The following SLC24A3 variants were observed in gnomAD, a reference collection of about 807,000 sequenced individuals.
SLC24A3 encodes the protein sodium/potassium/calcium exchanger 3.
In SLC24A3, 28 loss-of-function variants were observed where a neutral mutation model predicts 75.8. That is an observed-to-expected ratio of 0.37 (90% CI 0.27 to 0.51). The LOEUF is 0.51. SLC24A3 is among the 20% of genes least tolerant of loss of function. The pLI is 0.94. For synonymous variants in SLC24A3, 372 were observed against 334.1 expected (o/e 1.11, Z -1.24); for missense variants, 663 against 847.8 (o/e 0.78, Z 2.71).
intron 6 of SLC24A3, among the ~76,000 whole-genome samples, chr20:19,621,280 C>CA (rs769410034): frequency 1.3e-5 from 2 of 152,158 alleles, no homozygotes; most frequent in Non-Finnish European, 2.9e-5. Flanking sequence ...ACCAATGACT[C>CA]AAAGCAGGCT....
chr20:19,619,556 G>A (rs1399044185), intron 6 of SLC24A3, among the ~76,000 whole-genome samples: 1 of 152,130 alleles, frequency 6.6e-6, no homozygotes, highest in Non-Finnish European at 1.5e-5. Context: ...CCACATGTTG[G>A]AGTAACTTTT....
chr20:19,375,826 G>T (rs753143385), intron 2 of SLC24A3, among the ~76,000 whole-genome samples: 5 of 152,174 alleles, frequency 3.3e-5, no homozygotes, highest in Non-Finnish European at 7.3e-5. Context: ...AATCAGAGAA[G>T]CTGAGGAAAC....
chr20:19,649,858 G>A (rs2032181122), intron 6 of SLC24A3, among the ~76,000 whole-genome samples: 1 of 152,178 alleles, frequency 6.6e-6, no homozygotes, highest in Non-Finnish European at 1.5e-5. Flanking sequence ...ACCTGGCTTA[G>A]TACTCAACTT....
chr20:19,705,290 T>C (rs1346886877), intron 15 of SLC24A3, among the ~76,000 whole-genome samples: 2 of 152,186 alleles, frequency 1.3e-5, no homozygotes, highest in African/African-American at 4.8e-5. Flanking sequence ...ATTTTCTGTC[T>C]GATGGTTGGA....
At chr20:19,508,901 G>A (rs1203047497) in intron 2 of SLC24A3, among the ~76,000 whole-genome samples, 4 of 152,228 alleles carry the variant, frequency 2.6e-5, no homozygotes, top group African/African-American at 7.2e-5. Context: ...CTGCCTAGAG[G>A]CACATGCATT....
intron 3 of SLC24A3, among the ~76,000 whole-genome samples, chr20:19,538,567 T>C (rs1223900847): frequency 2.6e-5 from 4 of 152,134 alleles, no homozygotes; most frequent in Admixed American, 6.5e-5. Context: ...AAAATCACAA[T>C]GTAGTACCAC....
intron 1 of SLC24A3, among the ~76,000 whole-genome samples, chr20:19,220,897 G>C (rs567035159): frequency 1.3e-5 from 2 of 152,260 alleles, no homozygotes; most frequent in South Asian, 2.1e-4. Context: ...AGGGTTAAAG[G>C]TTATTCTTTA....
chr20:19,391,009 G>C (rs963690878), intron 2 of SLC24A3, among the ~76,000 whole-genome samples: 2 of 152,194 alleles, frequency 1.3e-5, no homozygotes, highest in Non-Finnish European at 2.9e-5. Flanking sequence ...CACCAGTGTG[G>C]GCTTAAAGCC....
chr20:19,366,460 T>TAA (rs781317689), intron 2 of SLC24A3, among the ~76,000 whole-genome samples: 2 of 152,230 alleles, frequency 1.3e-5, no homozygotes, highest in African/African-American at 2.4e-5. Flanking sequence ...CTCCATGTAA[T>TAA]GGGCTTTTGA....
intron 1 of SLC24A3, among the ~76,000 whole-genome samples, chr20:19,266,827 A>G (rs761150904): frequency 6.6e-6 from 1 of 152,198 alleles, no homozygotes; most frequent in Non-Finnish European, 1.5e-5. Context: ...TTAGGAAAGT[A>G]TATTTTTTAA....
intron 1 of SLC24A3, among the ~76,000 whole-genome samples, chr20:19,231,555 G>T (rs796429010): frequency 2.6e-5 from 4 of 152,302 alleles, no homozygotes; most frequent in African/African-American, 9.6e-5. Context: ...GTGAGCCAAG[G>T]AATGGGGGGT....
At chr20:19,543,580 G>A (rs1056424158) in intron 3 of SLC24A3, among the ~76,000 whole-genome samples, 4 of 152,194 alleles carry the variant, frequency 2.6e-5, no homozygotes, top group Non-Finnish European at 5.9e-5. Flanking sequence ...GGTGCTGCAT[G>A]AGAGGTCTCC....
intron 15 of SLC24A3, among the ~76,000 whole-genome samples, chr20:19,706,143 A>G (rs1600350436): frequency 6.6e-6 from 1 of 152,282 alleles, no homozygotes; most frequent in Admixed American, 6.5e-5. Context: ...GAAACAACAG[A>G]GACAAAAAGA....
intron 6 of SLC24A3, among the ~76,000 whole-genome samples, chr20:19,590,804 C>T (rs1359017121): frequency 6.6e-6 from 1 of 152,194 alleles, no homozygotes; most frequent in Non-Finnish European, 1.5e-5. Flanking sequence ...GAGCCCCAGC[C>T]CTAGCCCAAG....
At chr20:19,587,413 C>T (rs2031313399) in intron 6 of SLC24A3, among the ~76,000 whole-genome samples, 1 of 152,182 alleles carries the variant, frequency 6.6e-6, no homozygotes, top group Non-Finnish European at 1.5e-5. Context: ...TGGTGTCTGT[C>T]CCTTGACTCA....
At chr20:19,394,808 G>A (rs1450120580) in intron 2 of SLC24A3, among the ~76,000 whole-genome samples, 1 of 152,176 alleles carries the variant, frequency 6.6e-6, no homozygotes, top group Non-Finnish European at 1.5e-5. Context: ...AAACAGTATG[G>A]TAATTCCTCA....
intron 6 of SLC24A3, among the ~76,000 whole-genome samples, chr20:19,598,811 T>A (rs1479377608): frequency 6.6e-6 from 1 of 152,120 alleles, no homozygotes; most frequent in Non-Finnish European, 1.5e-5. Context: ...TACTGCAACA[T>A]GCAGCTTCTA....
Position 19,332,032 on chromosome 20 carries a change from C to G in SLC24A3, c.271+50945C>G, listed in dbSNP as rs575901063. ...GAGGGAGACGGAGGTGCTTGAGGAACACAGAAGGACATTGCAGCTGGGGAT... is the reference window on the plus strand; with the variant it reads ...GAGGGAGACGGAGGTGCTTGAGGAAGACAGAAGGACATTGCAGCTGGGGAT... On this transcript the variant is annotated intron_variant, in intron 2 of 16. Transcript: ENST00000328041. Among the ~76,000 whole-genome samples the G allele has an allele frequency of 2.4e-4, 36 of 152,290 alleles. No homozygotes were observed. In the South Asian group the frequency reaches 5.6e-3, roughly 24 times the overall value.
At chr20:19,343,942 G>A (rs552172574) in intron 2 of SLC24A3, among the ~76,000 whole-genome samples, 13 of 152,130 alleles carry the variant, frequency 8.5e-5, no homozygotes, top group Admixed American at 8.5e-4. Context: ...TAAAGCCATC[G>A]GGTGATATTT....
Sources: allele counts gnomAD v4.1 joint callset (sites outside exome capture counted in the v4.1 genomes callset), GRCh38; gene constraint gnomAD v4.1.1; transcripts MANE v1.5; gene names NCBI Gene and HGNC (gene_info 2026-07-23, HGNC 2026-07-21).